CERS6: variants seen among roughly 807,000 people sequenced by gnomAD.
The protein encoded by CERS6 is ceramide synthase 6.
A neutral mutation model predicts 56.8 loss-of-function variants in CERS6; 26 were observed. That is an observed-to-expected ratio of 0.46 (90% CI 0.34 to 0.63). The LOEUF (loss-of-function observed/expected upper bound fraction) is 0.63, where lower values mean the gene tolerates loss of function less well. Ranked by LOEUF, CERS6 falls within the 30% of genes least tolerant of loss-of-function variation. CERS6 has a pLI of 0.01. For synonymous variants in CERS6, 164 were observed against 173.3 expected (o/e 0.95, Z 0.42); for missense variants, 415 against 467.5 (o/e 0.89, Z 1.04).
At chr2:168,745,431 CGGGGTTTCACCGTGTTAGCCA>C (rs1684071025) in intron 8 of CERS6, among the ~76,000 whole-genome samples, 1 of 152,000 alleles carries the variant, frequency 6.6e-6, no homozygotes, top group East Asian at 1.9e-4. Flanking sequence ...TTAGTAGAGA[CGGGGTTTCACCGTGTTAGCCA>C]GGATGGTCTT....
chr2:168,745,644 CTG>C (rs1437431447), intron 8 of CERS6, among the ~76,000 whole-genome samples: 1 of 152,194 alleles, frequency 6.6e-6, no homozygotes, highest in Non-Finnish European at 1.5e-5. Context: ...AACCCACAGA[CTG>C]TATGTCTAAA....
chr2:168,731,561 T>A (rs758128408), intron 8 of CERS6, among the ~76,000 whole-genome samples: 1 of 152,076 alleles, frequency 6.6e-6, no homozygotes, highest in Non-Finnish European at 1.5e-5. Flanking sequence ...CATACAGCAA[T>A]GAATACTTCA....
At chr2:168,614,674 G>T (rs1046272895) in intron 3 of CERS6, among the ~76,000 whole-genome samples, 3 of 152,052 alleles carry the variant, frequency 2.0e-5, no homozygotes, top group African/African-American at 7.2e-5. Flanking sequence ...AACTCCATTG[G>T]CCTGGGAACC....
intron 1 of CERS6, among the ~76,000 whole-genome samples, chr2:168,535,409 G>A (rs1181304456): frequency 6.6e-6 from 1 of 152,170 alleles, no homozygotes; most frequent in African/African-American, 2.4e-5. Flanking sequence ...CCCTGGCTGG[G>A]TAGCATGTTC....
chr2:168,686,102 G>A (rs942696628), intron 4 of CERS6, among the ~76,000 whole-genome samples: 7 of 146,520 alleles, frequency 4.8e-5, no homozygotes, highest in Admixed American at 6.9e-5. Flanking sequence ...CTTGAGCAAC[G>A]GAAATTTCTC....
chr2:168,677,178 C>T (rs1266941070), intron 4 of CERS6, among the ~76,000 whole-genome samples: 1 of 151,938 alleles, frequency 6.6e-6, no homozygotes, highest in African/African-American at 2.4e-5. Context: ...TTCTCCCCCA[C>T]CCCCCAACAG....
chr2:168,618,802 T>C (rs548792436), intron 3 of CERS6, among the ~76,000 whole-genome samples: 1 of 152,198 alleles, frequency 6.6e-6, no homozygotes, highest in Non-Finnish European at 1.5e-5. Context: ...ATGACCATAC[T>C]GCCAAAAGCA....
rs547168348 is a variant in CERS6, at chr2:168,589,829, G to C, written c.407+28507G>C. On this transcript the variant is annotated intron_variant, in intron 3 of 9. Coordinates refer to ENST00000305747, the MANE Select transcript of CERS6 (RefSeq NM_203463.3). The stretch of plus-strand genomic sequence containing the variant: ...TTTATTGGTATAACCATTAGAAAGA[G>C]GGCTTCAAGGAACATTCTTATGTGC... Among the ~76,000 whole-genome samples the C allele has an allele frequency of 1.2e-3, 182 of 152,272 alleles. 2 individuals are homozygous for C. The South Asian group carries it at 0.019, about 16-fold the overall frequency.
At chr2:168,581,534 T>C (rs1474814226) in intron 3 of CERS6, among the ~76,000 whole-genome samples, 1 of 152,204 alleles carries the variant, frequency 6.6e-6, no homozygotes, top group Non-Finnish European at 1.5e-5. Flanking sequence ...ATCTTTCAAA[T>C]CACTAATTCC....
chr2:168,543,801 G>A (rs2105370225), intron 1 of CERS6, among the ~76,000 whole-genome samples: 1 of 152,270 alleles, frequency 6.6e-6, no homozygotes, highest in Non-Finnish European at 1.5e-5. Context: ...TGAGGGGTTG[G>A]TAAAGCCTAC....
intron 4 of CERS6, among the ~76,000 whole-genome samples, chr2:168,674,789 T>C (rs1004608957): frequency 3.9e-5 from 6 of 152,198 alleles, no homozygotes; most frequent in Non-Finnish European, 7.4e-5. Context: ...TTTCTTGATT[T>C]GCCATCCTTG....
intron 4 of CERS6, among the ~76,000 whole-genome samples, chr2:168,648,919 A>G (rs938825342): frequency 6.6e-6 from 1 of 152,118 alleles, no homozygotes; most frequent in Admixed American, 6.6e-5. Context: ...TATATGGCCA[A>G]CTTTAGAGTA....
Position 168,724,937 on chromosome 2 carries a change from G to A in CERS6, c.845+6959G>A, listed in dbSNP as rs181041149. Among the ~76,000 whole-genome samples, 184 of 152,348 alleles carry A rather than the reference G, an allele frequency of 1.2e-3. 4 individuals carry two copies. The highest frequency in any genetic ancestry group is 0.012 in the Admixed American group (179 of 15,310). ...TGGGTGGTCGATGGGACTGGGCGCCGTGGAGCAGGGGGTGGCACTCGTCGT... is the reference window on the plus strand; with the variant it reads ...TGGGTGGTCGATGGGACTGGGCGCCATGGAGCAGGGGGTGGCACTCGTCGT... On this transcript the variant is annotated intron_variant, in intron 8 of 9. Transcript: ENST00000305747.
In CERS6 at chr2:168,509,142, C is replaced by T. The variant is rs188262953; in HGVS notation, c.171-38454C>T. On this transcript the variant is annotated intron_variant, in intron 1 of 9. Coordinates refer to ENST00000305747, the MANE Select transcript of CERS6 (RefSeq NM_203463.3). Reference sequence around the variant, plus strand: ...AATTTAAGGGTTGATTCTATACCCTCAGTTGACTTCTTAAAGGCCCCTGCT... The same window carrying T: ...AATTTAAGGGTTGATTCTATACCCTTAGTTGACTTCTTAAAGGCCCCTGCT... Among the ~76,000 whole-genome samples, 49 of 152,328 alleles carry T rather than the reference C, an allele frequency of 3.2e-4. No homozygotes were observed. In the East Asian group the frequency reaches 8.1e-3, roughly 25 times the overall value.
Position 168,694,533 on chromosome 2 carries a change from A to G in CERS6, c.517-426A>G, listed in dbSNP as rs374382308. 1.8e-4 allele frequency among the ~76,000 whole-genome samples: 27 copies of G among 152,292 alleles called. No individual in the cohort carries two copies. The East Asian group carries it at 2.5e-3, about 14-fold the overall frequency. On this transcript the variant is annotated intron_variant, in intron 5 of 9. Transcript: ENST00000305747. ...TCTGATTAATGCAGAACTTAAATCT[A>G]TGCCTCAGTGACCCATACAGCATTC...
At chr2:168,617,590 G>T (rs1684348078) in intron 3 of CERS6, among the ~76,000 whole-genome samples, 1 of 151,972 alleles carries the variant, frequency 6.6e-6, no homozygotes, top group Non-Finnish European at 1.5e-5. Flanking sequence ...ATCATTCAAG[G>T]CTACTATAAA....
chr2:168,612,240 T>A (rs1684206506), intron 3 of CERS6, among the ~76,000 whole-genome samples: 1 of 152,234 alleles, frequency 6.6e-6, no homozygotes, highest in Admixed American at 6.5e-5. Context: ...ATGCCCAGGC[T>A]GAGTGAACAT....
chr2:168,563,983 ACT>A (rs1695839137), intron 3 of CERS6, among the ~76,000 whole-genome samples: 1 of 148,396 alleles, frequency 6.7e-6, no homozygotes. Flanking sequence ...TTGTTTTGAA[ACT>A]CTCTTCTTCC....
intron 4 of CERS6, among the ~76,000 whole-genome samples, chr2:168,684,546 TTAA>T (rs1574158360): frequency 6.6e-6 from 1 of 152,214 alleles, no homozygotes. Flanking sequence ...TTCATTTAAA[TTAA>T]TAACACAGTT....
Sources: gnomAD v4.1 joint callset for allele counts (sites outside exome capture counted in the v4.1 genomes callset) on GRCh38, gnomAD v4.1.1 for gene constraint, MANE v1.5 for transcripts, NCBI Gene and HGNC (gene_info 2026-07-23, HGNC 2026-07-21) for gene names.